The following PLCH1 variants were observed in gnomAD, a reference collection of about 807,000 sequenced individuals.
PLCH1 encodes phospholipase C eta 1.
A neutral mutation model predicts 126.7 loss-of-function variants in PLCH1; 60 were observed. The observed-to-expected ratio is 0.47, with a 90% CI of 0.38 to 0.59. PLCH1 has a LOEUF of 0.59. Among genes scored for constraint, PLCH1 ranks in the 20% least tolerant of loss-of-function variants. The pLI is 0.00. For synonymous variants in PLCH1, 719 were observed against 734.9 expected (o/e 0.98, Z 0.35); for missense variants, 1,723 against 2,040.0 (o/e 0.84, Z 2.99).
intron 17 of PLCH1, 38 bp from the exon 18 acceptor site, chr3:155,492,891 A>G: frequency 2.0e-6 from 3 of 1,535,102 alleles, no homozygotes; most frequent in Non-Finnish European, 2.6e-6. Flanking sequence ...ACATAAGAAG[A>G]AACACACACG....
intron 1 of PLCH1, among the ~76,000 whole-genome samples, chr3:155,727,976 T>C (rs1748472218): frequency 6.6e-6 from 1 of 152,086 alleles, no homozygotes; most frequent in African/African-American, 2.4e-5. Flanking sequence ...AGGCCCCTTC[T>C]CAGATGTCTC....
intron 4 of PLCH1, among the ~76,000 whole-genome samples, chr3:155,587,721 C>A (rs959505057): frequency 5.9e-5 from 9 of 152,196 alleles, no homozygotes; most frequent in Non-Finnish European, 8.8e-5. Flanking sequence ...TTAAAAGATC[C>A]TCAGTGGGAG....
At chr3:155,574,442 T>C (rs983324718) in intron 6 of PLCH1, among the ~76,000 whole-genome samples, 3 of 152,226 alleles carry the variant, frequency 2.0e-5, no homozygotes, top group Non-Finnish European at 2.9e-5. Flanking sequence ...CTTCGAGGCT[T>C]CTCACTCTAT....
At chr3:155,477,020 C>A (rs915358090), downstream of PLCH1, among the ~76,000 whole-genome samples, 2 of 152,006 alleles carry the variant, frequency 1.3e-5, no homozygotes, top group African/African-American at 4.8e-5. Context: ...GCTATAGTAA[C>A]CAAAACAGCA....
In PLCH1 at chr3:155,571,619, G is replaced by A. The variant is rs1017109991; in HGVS notation, c.772-3295C>T. On this transcript the variant is annotated intron_variant, in intron 6 of 22. Transcript: ENST00000460012. The stretch of plus-strand genomic sequence containing the variant: ...TCACCATGTTGGCCAGGTTGGTCTC[G>A]AACTCCTGACCTCAGGTGATCTGCC... Among the ~76,000 whole-genome samples the A allele has an allele frequency of 9.9e-5, 15 of 152,142 alleles. No individual in the cohort carries two copies. The South Asian group carries it at 1.7e-3, about 17-fold the overall frequency.
At chr3:155,734,485 G>A (rs992921790) in intron 1 of PLCH1, among the ~76,000 whole-genome samples, 4 of 151,914 alleles carry the variant, frequency 2.6e-5, no homozygotes, top group Non-Finnish European at 5.9e-5. Flanking sequence ...TAAATTTTAA[G>A]AAATTAAAAA....
At chr3:155,603,853 T>C in intron 2 of PLCH1, among the ~76,000 whole-genome samples, 1 of 152,082 alleles carries the variant, frequency 6.6e-6, no homozygotes, top group East Asian at 1.9e-4. Context: ...ATCCCAGCAC[T>C]TTAGAAGGCC....
intron 1 of PLCH1, among the ~76,000 whole-genome samples, chr3:155,744,321 C>T (rs1160175341): frequency 6.6e-6 from 1 of 152,212 alleles, no homozygotes; most frequent in Non-Finnish European, 1.5e-5. Flanking sequence ...GTATATCCTC[C>T]TCGCGCTGAG....
chr3:155,586,720 G>T (rs1190356599), intron 4 of PLCH1, among the ~76,000 whole-genome samples: 1 of 151,998 alleles, frequency 6.6e-6, no homozygotes, highest in Non-Finnish European at 1.5e-5. Flanking sequence ...AAAGGGGCGG[G>T]GGGTGGTTCC....
chr3:155,541,773 G>A (rs919045882), intron 10 of PLCH1, among the ~76,000 whole-genome samples: 27 of 151,966 alleles, frequency 1.8e-4, no homozygotes, highest in African/African-American at 5.1e-4. Context: ...AAACAGTGCC[G>A]AAAGACTTGC....
intron 1 of PLCH1, among the ~76,000 whole-genome samples, chr3:155,730,660 CAAAT>C (rs1748702686): frequency 1.3e-5 from 2 of 152,030 alleles, no homozygotes; most frequent in Non-Finnish European, 2.9e-5. Flanking sequence ...AATAAGTAAA[CAAAT>C]AAAAGAAGAG....
At chr3:155,497,066 A>G (rs1176415551) in intron 15 of PLCH1, among the ~76,000 whole-genome samples, 1 of 152,154 alleles carries the variant, frequency 6.6e-6, no homozygotes, top group African/African-American at 2.4e-5. Context: ...GTCTTTGTAT[A>G]GTAATAAAGT....
At chr3:155,470,928 G>A (rs971924695) in intron 21 of PLCH1, among the ~76,000 whole-genome samples, 166 of 151,926 alleles carry the variant, frequency 1.1e-3, no homozygotes, top group African/African-American at 3.8e-3. Flanking sequence ...TGAAGGAAGC[G>A]CTAAACATGG....
At chr3:155,698,827 A>C (rs975344830) in intron 2 of PLCH1, among the ~76,000 whole-genome samples, 2 of 152,112 alleles carry the variant, frequency 1.3e-5, no homozygotes, top group Non-Finnish European at 2.9e-5. Context: ...ACCTGCCCTG[A>C]TGCTTTCTGC....
chr3:155,724,881 T>C (rs1748209237), intron 1 of PLCH1, among the ~76,000 whole-genome samples: 1 of 150,932 alleles, frequency 6.6e-6, no homozygotes, highest in Admixed American at 6.7e-5. Context: ...CTGTGAGATT[T>C]ATGCTTTAAG....
chr3:155,481,624 A>G lies in PLCH1; in HGVS notation c.4402T>C (p.Leu1468=), dbSNP rs1379956285. Residue 1468 remains leucine (L), a synonymous_variant, in exon 23 of 23, where the codon TTG becomes CTG. Transcript: ENST00000460012. The surrounding 1 kb of genome is among the most constrained non-coding windows in gnomAD (Gnocchi z 4.2). ...QDMHVPVPKQ[L]AHLPLPALKL... ...AGAGCAGGCAAAGGAAGATGTGCCAACTGCTTGGGTACAGGGACATGCATA... is the reference window on the plus strand; with the variant it reads ...AGAGCAGGCAAAGGAAGATGTGCCAGCTGCTTGGGTACAGGGACATGCATA... 9.9e-6 allele frequency: 16 copies of G among 1,614,068 alleles called. No homozygotes were observed. In the African/African-American group the frequency reaches 1.6e-4, roughly 16 times the overall value.
intron 3 of PLCH1, among the ~76,000 whole-genome samples, chr3:155,594,637 A>G (rs1732713945): frequency 1.3e-5 from 2 of 152,184 alleles, no homozygotes; most frequent in Non-Finnish European, 2.9e-5. Context: ...TTCAGGTTAA[A>G]TGTGAAACCC....
chr3:155,568,405 T>G, intron 6 of PLCH1, 81 bp from the exon 7 acceptor site: 1 of 648,128 alleles, frequency 1.5e-6, no homozygotes, highest in Non-Finnish European at 2.8e-6. Flanking sequence ...TTTACTGATT[T>G]TGCATTCTTC....
chr3:155,645,058 T>G (rs1455172189), intron 2 of PLCH1, among the ~76,000 whole-genome samples: 1 of 152,174 alleles, frequency 6.6e-6, no homozygotes, highest in African/African-American at 2.4e-5. Flanking sequence ...CGAGACAGAA[T>G]AGAGAGGGAA....
Sources: gnomAD v4.1 joint callset for allele counts (sites outside exome capture counted in the v4.1 genomes callset) on GRCh38, gnomAD v4.1.1 for gene constraint, Gnocchi (gnomAD v3.1) non-coding constraint, MANE v1.5 for transcripts, NCBI Gene and HGNC (gene_info 2026-07-23, HGNC 2026-07-21) for gene names.